Variants in ZBTB20 observed in about 807,000 individuals in gnomAD.
The protein encoded by ZBTB20 is zinc finger and BTB domain containing 20, also known as zinc finger and BTB domain-containing protein 20.
A neutral mutation model predicts 56.9 loss-of-function variants in ZBTB20; 9 were observed. The observed-to-expected ratio is 0.16, with a 90% CI of 0.10 to 0.28. The LOEUF is 0.28. Among genes scored for constraint, ZBTB20 ranks in the 10% least tolerant of loss-of-function variants. The pLI is 1.00. For synonymous variants in ZBTB20, 417 were observed against 420.7 expected, an observed-to-expected ratio of 0.99 and a Z score of 0.11; for missense variants, 655 against 1,003.0, an observed-to-expected ratio of 0.65 and a Z score of 4.69.
intron 5 of ZBTB20, among the ~76,000 whole-genome samples, chr3:114,695,956 T>C (rs895434548): frequency 6.6e-6 from 1 of 152,092 alleles, no homozygotes; most frequent in Non-Finnish European, 1.5e-5. Flanking sequence ...ATCTGAGCTA[T>C]AGATCCTGTT....
chr3:115,101,558 G>A (rs926163952), intron 1 of ZBTB20, among the ~76,000 whole-genome samples: 3 of 152,056 alleles, frequency 2.0e-5, no homozygotes, highest in African/African-American at 7.2e-5. Flanking sequence ...TCTGCTTGAC[G>A]AGTCATATCT....
intron 4 of ZBTB20, among the ~76,000 whole-genome samples, chr3:114,850,089 G>A (rs775691673): frequency 1.3e-5 from 2 of 151,696 alleles, no homozygotes; most frequent in African/African-American, 2.4e-5. Context: ...TAGTAGAGAC[G>A]AGGTTTCACC....
chr3:114,709,073 T>C (rs1378672490), intron 5 of ZBTB20, among the ~76,000 whole-genome samples: 2 of 152,164 alleles, frequency 1.3e-5, no homozygotes, highest in East Asian at 3.8e-4. Flanking sequence ...TATGTAGTTA[T>C]AAAAGATACC....
intron 2 of ZBTB20, among the ~76,000 whole-genome samples, chr3:115,063,243 G>A (rs2082076691): frequency 6.6e-6 from 1 of 152,120 alleles, no homozygotes; most frequent in African/African-American, 2.4e-5. Flanking sequence ...TGAGTTCAGG[G>A]TGCAATAATA....
intron 3 of ZBTB20, among the ~76,000 whole-genome samples, chr3:114,953,895 C>T (rs2107928281): frequency 6.6e-6 from 1 of 152,146 alleles, no homozygotes. Context: ...AGATTATATT[C>T]CTTACCAAAT....
chr3:114,885,005 C>T (rs2076547286), intron 4 of ZBTB20, among the ~76,000 whole-genome samples: 2 of 152,120 alleles, frequency 1.3e-5, no homozygotes, highest in South Asian at 4.1e-4. Context: ...TCAGAAATAA[C>T]AAAATTTCAG....
In ZBTB20 at chr3:114,509,877, T is replaced by A. The variant is rs942995500; in HGVS notation, c.-294-9486A>T. On this transcript the variant is annotated intron_variant, in intron 6 of 11. Coordinates refer to ENST00000675478, the MANE Select transcript of ZBTB20 (RefSeq NM_001348800.3). ...GAGATTTCCTTGTAAATATCTGAAT[T>A]CTTGTATTCACCTATTAATGATCCA... is the stretch of plus-strand genomic sequence containing the variant. 2.0e-5 allele frequency among the ~76,000 whole-genome samples: 3 copies of A among 152,110 alleles called. No homozygotes were observed. In the South Asian group the frequency reaches 6.2e-4, roughly 32 times the overall value.
intron 6 of ZBTB20, among the ~76,000 whole-genome samples, chr3:114,518,336 A>C (rs9878302): frequency 0.16 from 24,884 of 152,118 alleles, 2,067 homozygotes; most frequent in South Asian, 0.18. Context: ...GAGAAAAAAA[A>C]CCCCTAATCT....
intron 1 of ZBTB20, among the ~76,000 whole-genome samples, chr3:115,111,203 C>T (rs2083872622): frequency 6.6e-6 from 1 of 151,880 alleles, no homozygotes; most frequent in South Asian, 2.1e-4. Flanking sequence ...AATAATACTC[C>T]CAACATCACT....
intron 3 of ZBTB20, among the ~76,000 whole-genome samples, chr3:114,910,530 G>A (rs1164312592): frequency 1.3e-5 from 2 of 151,738 alleles, no homozygotes; most frequent in Non-Finnish European, 2.9e-5. Context: ...ATTTAGAAGA[G>A]GTACAAGCTA....
chr3:114,429,431 A>G (rs1298656552), intron 7 of ZBTB20, among the ~76,000 whole-genome samples: 1 of 152,158 alleles, frequency 6.6e-6, no homozygotes, highest in Non-Finnish European at 1.5e-5. Context: ...GATTTCAGCT[A>G]TTCGGTGCAT....
intron 2 of ZBTB20, among the ~76,000 whole-genome samples, chr3:115,011,411 A>G (rs2079704037): frequency 6.6e-6 from 1 of 151,882 alleles, no homozygotes; most frequent in Non-Finnish European, 1.5e-5. Flanking sequence ...GCACCAAAAG[A>G]AATGTAACAA....
chr3:114,761,801 T>C (rs977371499), intron 5 of ZBTB20, among the ~76,000 whole-genome samples: 2 of 150,234 alleles, frequency 1.3e-5, no homozygotes, highest in African/African-American at 4.9e-5. Flanking sequence ...GCCACTGCAC[T>C]CTGGCCTGGG....
At chr3:114,415,278 A>C (rs1425273712) in intron 7 of ZBTB20, among the ~76,000 whole-genome samples, 2 of 152,148 alleles carry the variant, frequency 1.3e-5, no homozygotes, top group African/African-American at 4.8e-5. Context: ...GAAGAAAGAG[A>C]GTAAGAGAAA....
chr3:115,053,837 A>G (rs917164849), intron 2 of ZBTB20, among the ~76,000 whole-genome samples: 2 of 152,152 alleles, frequency 1.3e-5, no homozygotes, highest in African/African-American at 2.4e-5. Flanking sequence ...AAGAGGAAAA[A>G]GGATGAAAAC....
intron 3 of ZBTB20, among the ~76,000 whole-genome samples, chr3:114,918,306 C>T (rs2075826668): frequency 6.6e-6 from 1 of 152,086 alleles, no homozygotes; most frequent in South Asian, 2.1e-4. Flanking sequence ...CATTCAAGAA[C>T]CAAGTCCTGG....
chr3:114,603,811 A>G (rs1344582161), intron 6 of ZBTB20, among the ~76,000 whole-genome samples: 1 of 152,020 alleles, frequency 6.6e-6, no homozygotes, highest in Admixed American at 6.6e-5. Flanking sequence ...CATCACTTAT[A>G]ATTTTAAAAA....
intron 4 of ZBTB20, among the ~76,000 whole-genome samples, chr3:114,890,885 T>G: frequency 6.6e-6 from 1 of 152,234 alleles, no homozygotes; most frequent in East Asian, 1.9e-4. Context: ...TATCTTTGAC[T>G]ATGCCACATA....
At chr3:114,772,874 A>G (rs2069320677) in intron 5 of ZBTB20, among the ~76,000 whole-genome samples, 1 of 152,226 alleles carries the variant, frequency 6.6e-6, no homozygotes, top group South Asian at 2.1e-4. Context: ...AAGGTTGTTA[A>G]CACTAAAACA....
Sources: gnomAD v4.1 joint callset for allele counts (sites outside exome capture counted in the v4.1 genomes callset) on GRCh38, gnomAD v4.1.1 for gene constraint, MANE v1.5 for transcripts, NCBI Gene and HGNC (gene_info 2026-07-23, HGNC 2026-07-21) for gene names.